Variants in STK31 observed in about 807,000 individuals in gnomAD.
STK31 encodes serine/threonine-protein kinase 31.
Under a neutral mutation model 129.7 loss-of-function variants are expected in STK31, and 89 were observed. That is an observed-to-expected ratio of 0.69 (90% CI 0.58 to 0.82). STK31 has a LOEUF of 0.82. Ranked by LOEUF, STK31 falls within the 40% of genes least tolerant of loss-of-function variation. STK31 has a pLI of 0.00. For missense variants in STK31, 1,187 were observed against 1,176.4 expected (o/e 1.01, Z -0.13); for synonymous variants, 448 against 395.3 (o/e 1.13, Z -1.58).
At chr7:23,792,094 T>C (rs12533973) in intron 22 of STK31, among the ~76,000 whole-genome samples, 16,483 of 152,242 alleles carry the variant, frequency 0.11, 1,035 homozygotes, top group East Asian at 0.22. Flanking sequence ...GGAATCAGTT[T>C]GGTGCAGAGG....
chr7:23,742,499 C>G (rs1230376783), intron 8 of STK31, among the ~76,000 whole-genome samples: 1 of 152,194 alleles, frequency 6.6e-6, no homozygotes, highest in Non-Finnish European at 1.5e-5. Flanking sequence ...TTTTCTGGAA[C>G]AATGTCTTTG....
intron 8 of STK31, among the ~76,000 whole-genome samples, chr7:23,750,113 A>G (rs531516391): frequency 2.2e-5 from 3 of 134,846 alleles, no homozygotes; most frequent in South Asian, 5.2e-4. Context: ...TACTGCGATG[A>G]TATGTATGAT....
intron 4 of STK31, among the ~76,000 whole-genome samples, chr7:23,720,238 G>T (rs1786609983): frequency 6.6e-6 from 1 of 152,176 alleles, no homozygotes; most frequent in Admixed American, 6.5e-5. Context: ...ATATGTTTCA[G>T]AACAGGATTT....
Position 23,790,835 on chromosome 7 carries a change from C to G in STK31, c.2649C>G (p.Ala883=), listed in dbSNP as rs1364146459. ...TATTGTTTTTGCAGAGTCAGCGAGC[C>G]TCGGTGAACATGATGGTTGGTGACT... is the stretch of plus-strand genomic sequence containing the variant. ...FDFTKSVSQR[A]SVNMMVGDLS... Residue 883 remains alanine (A), a synonymous_variant, in exon 22 of 24, where the codon GCC becomes GCG. Transcript: ENST00000355870. 3.8e-6 allele frequency: 6 copies of G among 1,595,254 alleles called. No individual in the cohort carries two copies. The highest frequency in any genetic ancestry group is 5.1e-6 in the Non-Finnish European group (6 of 1,173,828).
At chr7:23,738,961 G>T (rs572805576) in intron 8 of STK31, among the ~76,000 whole-genome samples, 1 of 152,322 alleles carries the variant, frequency 6.6e-6, no homozygotes, top group African/African-American at 2.4e-5. Flanking sequence ...CTTTATAGTA[G>T]AATGATTTAT....
chr7:23,785,856 CA>C (rs1230056868), intron 18 of STK31, among the ~76,000 whole-genome samples: 4 of 97,602 alleles, frequency 4.1e-5, no homozygotes, highest in African/African-American at 1.7e-4. Context: ...GGGTGGGGGG[CA>C]GGGGGAGGGA....
intron 10 of STK31, among the ~76,000 whole-genome samples, chr7:23,756,790 G>A (rs1210814588): frequency 3.3e-5 from 5 of 152,132 alleles, no homozygotes; most frequent in Non-Finnish European, 7.4e-5. Flanking sequence ...GATGGATTAC[G>A]TTTATTGATT....
chr7:23,763,771 TAATGTTTTCATTTGA>T (rs1303205221), intron 11 of STK31, among the ~76,000 whole-genome samples: 2 of 111,834 alleles, frequency 1.8e-5, no homozygotes, highest in Non-Finnish European at 3.9e-5. Context: ...TTTCATTTTC[TAATGTTTTCATTTGA>T]AATGTTTTCA....
chr7:23,829,068 T>A (rs1207770796), intron 23 of STK31, among the ~76,000 whole-genome samples: 1 of 142,492 alleles, frequency 7.0e-6, no homozygotes, highest in African/African-American at 2.5e-5. Flanking sequence ...GCCCAGCAAA[T>A]TTTTTTTTTT....
intron 10 of STK31, among the ~76,000 whole-genome samples, chr7:23,757,308 A>G (rs1184033219): frequency 6.6e-6 from 1 of 152,126 alleles, no homozygotes; most frequent in African/African-American, 2.4e-5. Context: ...ATAGAGAAAG[A>G]AAAGTGGGCC....
chr7:23,769,318 T>G (rs182795139), intron 12 of STK31, 144 bp downstream of exon 12: 42 of 720,020 alleles, frequency 5.8e-5, no homozygotes, highest in Admixed American at 5.3e-4. Context: ...TCAAGGTTCT[T>G]TATTAGCTTT....
intron 13 of STK31, among the ~76,000 whole-genome samples, chr7:23,770,678 G>C (rs1790127718): frequency 6.6e-6 from 1 of 151,994 alleles, no homozygotes. Context: ...GCATTGATGT[G>C]ATCCTAGCTC....
At chr7:23,776,340 C>T (rs570017667) in intron 15 of STK31, among the ~76,000 whole-genome samples, 46 of 152,214 alleles carry the variant, frequency 3.0e-4, no homozygotes, top group African/African-American at 1.0e-3. Context: ...TGATGCTGGC[C>T]TCATAAAATG....
chr7:23,736,588 G>T (rs1352664240), intron 7 of STK31, among the ~76,000 whole-genome samples: 2 of 149,136 alleles, frequency 1.3e-5, no homozygotes, highest in Non-Finnish European at 3.0e-5. Flanking sequence ...GGATCACGGG[G>T]GGGGGATCAC....
At chr7:23,773,220 T>C (rs2128104815) in intron 15 of STK31, among the ~76,000 whole-genome samples, 1 of 152,064 alleles carries the variant, frequency 6.6e-6, no homozygotes, top group East Asian at 1.9e-4. Context: ...ACAGGCCCAG[T>C]GTGTGATGTT....
At chr7:23,827,051 T>C (rs1794201426) in intron 23 of STK31, among the ~76,000 whole-genome samples, 1 of 152,208 alleles carries the variant, frequency 6.6e-6, no homozygotes, top group South Asian at 2.1e-4. Flanking sequence ...ATTTCAACTT[T>C]GGTGAATCTG....
intron 22 of STK31, among the ~76,000 whole-genome samples, chr7:23,796,251 G>A (rs920909435): frequency 2.0e-5 from 3 of 151,966 alleles, no homozygotes; most frequent in African/African-American, 7.3e-5. Flanking sequence ...AAAGTTGTCT[G>A]GTTTCATTGA....
intron 23 of STK31, among the ~76,000 whole-genome samples, chr7:23,817,323 T>C (rs1449451558): frequency 2.6e-5 from 4 of 152,168 alleles, no homozygotes; most frequent in Non-Finnish European, 4.4e-5. Context: ...TAGCTACTCA[T>C]GGATTCAAGG....
At chr7:23,789,758 T>C (rs2128113557) in intron 21 of STK31, among the ~76,000 whole-genome samples, 1 of 152,316 alleles carries the variant, frequency 6.6e-6, no homozygotes, top group Admixed American at 6.5e-5. Context: ...CTTTTGAGCA[T>C]ACTATTTGCA....
Sources: allele counts gnomAD v4.1 joint callset (sites outside exome capture counted in the v4.1 genomes callset), GRCh38; gene constraint gnomAD v4.1.1; transcripts MANE v1.5; gene names NCBI Gene and HGNC (gene_info 2026-07-23, HGNC 2026-07-21).